The following TENM4 variants were observed in gnomAD, a reference collection of about 807,000 sequenced individuals.
TENM4 encodes the protein teneurin transmembrane protein 4, also known as teneurin-4.
TENM4 carries 82 observed loss-of-function variants against 243.3 expected under a neutral mutation model. The observed-to-expected ratio is 0.34, with a 90% CI of 0.28 to 0.40. TENM4 has a LOEUF of 0.40. Among genes scored for constraint, TENM4 ranks in the 10% least tolerant of loss-of-function variants. The probability of loss-of-function intolerance (pLI) is 1.00; values close to 1 mark genes in which losing one functional copy is unlikely to be tolerated. For synonymous variants in TENM4, 1,412 were observed against 1,456.3 expected, an observed-to-expected ratio of 0.97 and a Z score of 0.69; for missense variants, 3,138 against 3,673.3, an observed-to-expected ratio of 0.85 and a Z score of 3.77.
chr11:79,275,832 T>C (rs1231521330), intron 2 of TENM4, among the ~76,000 whole-genome samples: 2 of 152,342 alleles, frequency 1.3e-5, no homozygotes, highest in Middle Eastern at 3.4e-3. Context: ...AGGTAATCCT[T>C]AGCATCCTGT....
chr11:79,203,337 T>C (rs1394576567), intron 3 of TENM4, among the ~76,000 whole-genome samples: 1 of 152,228 alleles, frequency 6.6e-6, no homozygotes, highest in East Asian at 1.9e-4. Flanking sequence ...TTATTCATAA[T>C]AGCATAAAGG....
chr11:79,405,910 A>T (rs1590943231), intron 1 of TENM4, among the ~76,000 whole-genome samples: 1 of 150,420 alleles, frequency 6.6e-6, no homozygotes, highest in Middle Eastern at 3.5e-3. Flanking sequence ...GCATGTCCTT[A>T]TCTGGAACTC....
At chr11:78,832,473 T>C (rs189326806) in intron 12 of TENM4, among the ~76,000 whole-genome samples, 1 of 152,264 alleles carries the variant, frequency 6.6e-6, no homozygotes. Context: ...TACATATGTT[T>C]GTAAATGGAT....
At chr11:79,154,336 ACATAAACT>A (rs1412959743) in intron 3 of TENM4, among the ~76,000 whole-genome samples, 3 of 152,002 alleles carry the variant, frequency 2.0e-5, no homozygotes, top group Admixed American at 6.5e-5. Context: ...ACCAGATCTC[ACATAAACT>A]CATAGAGTGA....
At chr11:78,864,433 C>CAAAAAAAAAAAA (rs145489804) in intron 9 of TENM4, among the ~76,000 whole-genome samples, 1 of 36,210 alleles carries the variant, frequency 2.8e-5, no homozygotes, top group Non-Finnish European at 4.4e-5. Context: ...GACTCCGTCT[C>CAAAAAAAAAAAA]AAAAAAAAAA....
intron 18 of TENM4, among the ~76,000 whole-genome samples, chr11:78,766,495 T>C (rs1856541361): frequency 6.6e-6 from 1 of 152,148 alleles, no homozygotes; most frequent in African/African-American, 2.4e-5. Context: ...GACTTCACTT[T>C]GAGTAGGTGA....
At chr11:79,210,115 A>G (rs17137861) in intron 3 of TENM4, among the ~76,000 whole-genome samples, 1,941 of 152,312 alleles carry the variant, frequency 0.013, 48 homozygotes, top group African/African-American at 0.044. Flanking sequence ...CAATATTTAC[A>G]TAGGAAGTAC....
At chr11:78,839,700 A>T (rs781631535) in intron 12 of TENM4, among the ~76,000 whole-genome samples, 1 of 152,228 alleles carries the variant, frequency 6.6e-6, no homozygotes, top group Non-Finnish European at 1.5e-5. Context: ...GATTTTAAAG[A>T]TAATTTTTCA....
intron 6 of TENM4, among the ~76,000 whole-genome samples, chr11:78,984,196 T>C (rs180684592): frequency 2.2e-4 from 34 of 152,288 alleles, no homozygotes; most frequent in African/African-American, 7.0e-4. Flanking sequence ...CTCTGAGCCT[T>C]AGATTCCTCC....
intron 1 of TENM4, among the ~76,000 whole-genome samples, chr11:79,349,186 G>A (rs1345332806): frequency 6.6e-6 from 1 of 152,104 alleles, no homozygotes; most frequent in African/African-American, 2.4e-5. Flanking sequence ...ACTTGAAATT[G>A]TCACCCCATT....
chr11:79,069,625 T>C, intron 5 of TENM4, 97 bp downstream of exon 5: 1 of 1,429,150 alleles, frequency 7.0e-7, no homozygotes, highest in Non-Finnish European at 9.2e-7. Context: ...CCAGCTCACC[T>C]GTGCCACGCC....
intron 18 of TENM4, among the ~76,000 whole-genome samples, chr11:78,761,328 C>G (rs959511879): frequency 1.3e-5 from 2 of 152,050 alleles, no homozygotes; most frequent in African/African-American, 4.8e-5. Flanking sequence ...CAAGCTCCGC[C>G]TCCCGGGTTC....
At chr11:79,178,610 C>G (rs894312701) in intron 3 of TENM4, among the ~76,000 whole-genome samples, 5 of 152,184 alleles carry the variant, frequency 3.3e-5, no homozygotes, top group Admixed American at 2.0e-4. Context: ...GAGGACTGAG[C>G]AAGGACCACT....
At chr11:79,297,955 TAG>T (rs1856484036) in intron 1 of TENM4, among the ~76,000 whole-genome samples, 1 of 150,596 alleles carries the variant, frequency 6.6e-6, no homozygotes, top group Non-Finnish European at 1.5e-5. Flanking sequence ...CTTCTATACA[TAG>T]AGTTTACCAT....
chr11:78,786,839 A>G, intron 16 of TENM4, 59 bp downstream of exon 16: 1 of 1,557,242 alleles, frequency 6.4e-7, no homozygotes, highest in Non-Finnish European at 8.7e-7. Flanking sequence ...GAAATGCCCC[A>G]ACAGACAAAG....
chr11:78,840,753 CG>C (rs59318107), intron 12 of TENM4, among the ~76,000 whole-genome samples: 2,537 of 152,206 alleles, frequency 0.017, 52 homozygotes, highest in African/African-American at 0.051. Context: ...AAAGGAAACA[CG>C]GGGGTACTAA....
intron 1 of TENM4, among the ~76,000 whole-genome samples, chr11:79,386,712 C>T (rs1858118911): frequency 6.6e-6 from 1 of 150,908 alleles, no homozygotes. Flanking sequence ...ACCATACAAC[C>T]ACCAGAATAG....
intron 3 of TENM4, among the ~76,000 whole-genome samples, chr11:79,156,246 CA>C (rs1308073741): frequency 6.6e-6 from 1 of 152,196 alleles, no homozygotes; most frequent in Non-Finnish European, 1.5e-5. Flanking sequence ...CTGTCCTGCA[CA>C]GACCATTGTA....
intron 12 of TENM4, among the ~76,000 whole-genome samples, chr11:78,819,666 C>G (rs897217852): frequency 1.3e-5 from 2 of 152,174 alleles, no homozygotes; most frequent in African/African-American, 4.8e-5. Context: ...GGTCAAGGCC[C>G]ACTCGACACT....
Sources: allele counts gnomAD v4.1 joint callset (sites outside exome capture counted in the v4.1 genomes callset), GRCh38; gene constraint gnomAD v4.1.1; transcripts MANE v1.5; gene names NCBI Gene and HGNC (gene_info 2026-07-23, HGNC 2026-07-21).